Variants in ZNF114 observed in about 807,000 individuals in gnomAD.
ZNF114 encodes the protein zinc finger protein 114.
A neutral mutation model predicts 6.8 loss-of-function variants in ZNF114; 8 were observed. That is an observed-to-expected ratio of 1.18 (90% confidence interval 0.69 to 2.13). ZNF114 has a LOEUF of 2.13. Ranked by LOEUF, ZNF114 falls within the 30% of genes most tolerant of loss-of-function variation. The pLI is 0.00. For synonymous variants in ZNF114, 169 were observed against 185.5 expected, an observed-to-expected ratio of 0.91 and a Z score of 0.72; for missense variants, 472 against 519.5, an observed-to-expected ratio of 0.91 and a Z score of 0.89.
intron 3 of ZNF114, among the ~76,000 whole-genome samples, chr19:48,274,714 C>T (rs777128853): frequency 1.3e-5 from 2 of 151,752 alleles, no homozygotes; most frequent in East Asian, 3.9e-4. Context: ...CCATGTTGGT[C>T]AGGCTGACCT....
intron 3 of ZNF114, among the ~76,000 whole-genome samples, chr19:48,276,644 C>T (rs1490855791): frequency 6.6e-6 from 1 of 152,216 alleles, no homozygotes; most frequent in East Asian, 1.9e-4. Flanking sequence ...ACCCCACAAC[C>T]TCCTGAGTAG....
chr19:48,280,344 A>C (rs1967957042), intron 4 of ZNF114, among the ~76,000 whole-genome samples: 1 of 152,104 alleles, frequency 6.6e-6, no homozygotes, highest in African/African-American at 2.4e-5. Context: ...TGATCACTCC[A>C]CTGCATTCCA....
At chr19:48,277,794 G>GGGGGGGGTGTGTGTGTGTGTGTGTGT (rs1330052475) in intron 3 of ZNF114, among the ~76,000 whole-genome samples, 2 of 119,338 alleles carry the variant, frequency 1.7e-5, no homozygotes, top group South Asian at 3.1e-4. Flanking sequence ...GGAGGCATTG[G>GGGGGGGGTGTGTGTGTGTGTGTGTGT]GTGTGTGTGT....
In ZNF114 at chr19:48,274,094, A is replaced by G. The variant is rs28809528; in HGVS notation, c.-70+2266A>G. On this transcript the variant is annotated intron_variant, in intron 3 of 5. Coordinates refer to ENST00000595607, the MANE Select transcript of ZNF114 (RefSeq NM_153608.4). ...TATATATTTTTATACATGTATATAT[A>G]TAAATGCATACACACACACATATAT... 1.9e-3 allele frequency among the ~76,000 whole-genome samples: 284 copies of G among 146,754 alleles called. 3 individuals are homozygous for G. The highest frequency in any genetic ancestry group is 6.4e-3 in the African/African-American group (261 of 40,810).
rs1600841363 is a variant in ZNF114 at position 48,279,380 on chromosome 19, A to G, written c.-69-351A>G. Among the ~76,000 whole-genome samples the G allele has an allele frequency of 2.1e-5, 3 of 140,558 alleles. No individual in the cohort carries two copies. The East Asian group carries it at 6.6e-4, about 31-fold the overall frequency. 92.2% of individuals were successfully genotyped at this position (140,558 alleles called of 152,430 possible). A position where few individuals can be genotyped will look rare whatever the true frequency, so the allele number is the denominator to read the frequency against. On this transcript the variant is annotated intron_variant, in intron 3 of 5. Transcript: ENST00000595607. Reference sequence around the variant, plus strand: ...ACTACTGCACTCCAGCCTGGGCAACAGGACAAGTCTCTGTCTCTAAAAAAT... The same window carrying G: ...ACTACTGCACTCCAGCCTGGGCAACGGGACAAGTCTCTGTCTCTAAAAAAT...
In ZNF114 at chr19:48,277,794, G is replaced by GGTGTGTGTGTGTGTGTGTGTGTGT. The variant is rs749201884; in HGVS notation, c.-69-1920_-69-1897dup. On this transcript the variant is annotated intron_variant, in intron 3 of 5. Transcript: ENST00000595607. ...GAATAGACTGACCAGGGAGGCATTGGGTGTGTGTGTGTGTGTGTGTGTGTG... is the reference window on the plus strand; with the variant it reads ...GAATAGACTGACCAGGGAGGCATTGGGTGTGTGTGTGTGTGTGTGTGTGTGTGTGTGTGTGTGTGTGTGTGTGTG... 9.4e-3 allele frequency among the ~76,000 whole-genome samples: 1,119 copies of GGTGTGTGTGTGTGTGTGTGTGTGT among 119,266 alleles called. 38 individuals are homozygous for GGTGTGTGTGTGTGTGTGTGTGTGT. Among genetic ancestry groups the GGTGTGTGTGTGTGTGTGTGTGTGT allele is most frequent in the African/African-American group, 0.021 (627 of 30,526 alleles). 78.2% of individuals were successfully genotyped at this position (119,266 alleles called of 152,430 possible). A position where few individuals can be genotyped will look rare whatever the true frequency, so the allele number is the denominator to read the frequency against.
At chr19:48,282,290 C>T in intron 4 of ZNF114, 81 bp from the exon 5 acceptor site, 1 of 1,584,684 alleles carries the variant, frequency 6.3e-7, no homozygotes. Context: ...CCTCAACCTA[C>T]CTTTTTCTGT....
chr19:48,279,851 C>T (rs1600842163), intron 4 of ZNF114, 43 bp downstream of exon 4: 2 of 1,613,558 alleles, frequency 1.2e-6, no homozygotes, highest in Non-Finnish European at 8.5e-7. Context: ...TGTTGTCGTT[C>T]CCACGAGTCA....
At chr19:48,276,032 C>T (rs1443488292) in intron 3 of ZNF114, among the ~76,000 whole-genome samples, 8 of 145,580 alleles carry the variant, frequency 5.5e-5, no homozygotes, top group African/African-American at 1.0e-4. Context: ...GTCAAGCTAA[C>T]ATTGGTGGGG....
chr19:48,270,433 T>A (rs1267206704), intron 1 of ZNF114, among the ~76,000 whole-genome samples: 1,281 of 33,462 alleles, frequency 0.038, no homozygotes, highest in African/African-American at 0.045. Flanking sequence ...AGGAAAAAAA[T>A]AAAAAAGGAA....
intron 3 of ZNF114, among the ~76,000 whole-genome samples, chr19:48,277,794 G>GGTGTGTGTGTGT (rs749201884): frequency 0.087 from 10,391 of 119,186 alleles, 612 homozygotes; most frequent in South Asian, 0.13. Context: ...GGAGGCATTG[G>GGTGTGTGTGTGT]GTGTGTGTGT....
Position 48,286,506 on chromosome 19 carries a change from C to G in ZNF114, c.882C>G (p.His294Gln), listed in dbSNP as rs562121677. ...TSANAPNSGS[H>Q]KSHCTGEKTH... ...CCAACGCTCCAAATTCCGGTTCACA[C>G]AAGAGTCATTGCACTGGAGAGAAAA... Residue 294 changes from histidine (H) to glutamine (Q), a missense_variant, in exon 6 of 6, where the codon CAC (histidine) becomes CAG (glutamine). Transcript: ENST00000595607. 1,010 of 1,614,182 alleles carry G rather than the reference C, an allele frequency of 6.3e-4. 7 individuals carry two copies. The South Asian group carries it at 0.01, about 17-fold the overall frequency.
Position 48,286,441 on chromosome 19 carries a change from G to A in ZNF114, c.817G>A (p.Glu273Lys), listed in dbSNP as rs1282707776. 1.1e-5 allele frequency: 17 copies of A among 1,614,192 alleles called. No homozygotes were observed. Among genetic ancestry groups the A allele is most frequent in the Non-Finnish European group, 1.4e-5 (17 of 1,180,044 alleles). Residue 273 changes from glutamate to lysine, a missense_variant, in exon 6 of 6, where the codon GAG becomes AAG. By Grantham distance (56) the Glu-to-Lys change is moderately conservative. Transcript: ENST00000595607. ...HAMQMQLYTA[E>K]TNKKDCQTGA... ...CATGCAGATGCAGTTGTATACCGCA[G>A]AGACAAACAAGAAGGATTGTCAAAC... is the stretch of plus-strand genomic sequence containing the variant.
chr19:48,283,042 G>T (rs11083928), intron 5 of ZNF114, among the ~76,000 whole-genome samples: 30,499 of 151,754 alleles, frequency 0.2, 3,474 homozygotes, highest in Non-Finnish European at 0.25. Flanking sequence ...TTAAGATGGG[G>T]TCTCACCCTG....
chr19:48,273,225 A>G (rs575377203), intron 3 of ZNF114, among the ~76,000 whole-genome samples: 17 of 152,224 alleles, frequency 1.1e-4, no homozygotes, highest in African/African-American at 4.1e-4. Context: ...TCAGGATCAA[A>G]CCCCACGGTC....
intron 3 of ZNF114, among the ~76,000 whole-genome samples, chr19:48,275,358 C>T (rs1415337021): frequency 2.7e-5 from 4 of 150,360 alleles, no homozygotes; most frequent in Admixed American, 6.7e-5. Context: ...GCAGGATGAT[C>T]GCCTGAGGTC....
chr19:48,281,859 G>A (rs921935676), intron 4 of ZNF114, among the ~76,000 whole-genome samples: 1 of 146,578 alleles, frequency 6.8e-6, no homozygotes, highest in South Asian at 2.2e-4. Flanking sequence ...CCAGTCACTG[G>A]ATTAGGGCCC....
chr19:48,282,608 C>T (rs1968020610), intron 5 of ZNF114, 111 bp downstream of exon 5: 11 of 1,322,096 alleles, frequency 8.3e-6, no homozygotes, highest in Admixed American at 7.6e-5. Context: ...TCCAGAGACA[C>T]AGCTGCTGCC....
intron 3 of ZNF114, among the ~76,000 whole-genome samples, chr19:48,279,420 G>GGT (rs1490150692): frequency 4.6e-5 from 6 of 130,296 alleles, no homozygotes; most frequent in Non-Finnish European, 9.8e-5. Flanking sequence ...TTAAAATATA[G>GGT]GTGTGTGTGT....
Sources: allele counts gnomAD v4.1 joint callset (sites outside exome capture counted in the v4.1 genomes callset), GRCh38; gene constraint gnomAD v4.1.1; transcripts MANE v1.5; gene names NCBI Gene and HGNC (gene_info 2026-07-23, HGNC 2026-07-21).